Variants in PTOV1 observed in about 807,000 individuals in gnomAD.
PTOV1 encodes prostate tumor-overexpressed gene 1 protein.
In PTOV1, 20 loss-of-function variants were observed where a neutral mutation model predicts 58.0. That is an observed-to-expected ratio of 0.34 (90% confidence interval 0.24 to 0.50). The LOEUF (loss-of-function observed/expected upper bound fraction) is 0.50. Ranked by LOEUF, PTOV1 falls within the 20% of genes least tolerant of loss-of-function variation. PTOV1 has a pLI of 0.98. For synonymous variants in PTOV1, 335 were observed against 234.2 expected, an observed-to-expected ratio of 1.43 and a Z score of -3.93; for missense variants, 593 against 565.4, an observed-to-expected ratio of 1.05 and a Z score of -0.50.
chr19:49,855,617 C>G (rs959955565), intron 5 of PTOV1: 4 of 166,978 alleles, frequency 2.4e-5, no homozygotes, highest in Admixed American at 5.6e-5. Context: ...TGTGCAGGGA[C>G]TGAGTGGGGC....
At chr19:49,856,918 TG>T in intron 5 of PTOV1, 56 bp from the exon 6 acceptor site, 1 of 1,599,484 alleles carries the variant, frequency 6.3e-7, no homozygotes, top group Non-Finnish European at 8.5e-7. Context: ...TCCAGGGTGG[TG>T]GGGGCACAGT....
intron 6 of PTOV1, 95 bp from the exon 7 acceptor site, chr19:49,857,598 C>A: frequency 8.3e-7 from 1 of 1,206,874 alleles, no homozygotes; most frequent in Non-Finnish European, 1.2e-6. Context: ...GGCTAACAGG[C>A]CAAGGCTCGG....
chr19:49,858,970 C>T (rs1330957037), intron 10 of PTOV1: 1 of 257,802 alleles, frequency 3.9e-6, no homozygotes, highest in Non-Finnish European at 7.5e-6. Context: ...TGTGCCACAT[C>T]CCAAAGGCCC....
intron 1 of PTOV1, among the ~76,000 whole-genome samples, chr19:49,853,713 A>C (rs1446306640): frequency 6.6e-6 from 1 of 152,124 alleles, no homozygotes; most frequent in Non-Finnish European, 1.5e-5. Context: ...TTGGTGTTCT[A>C]CATGTTTTGG....
intron 4 of PTOV1, 25 bp downstream of exon 4, chr19:49,854,913 T>TCCCCCC (rs1568641067): frequency 1.9e-6 from 3 of 1,571,550 alleles, no homozygotes; most frequent in African/African-American, 1.4e-5. Context: ...TCCCACCCCA[T>TCCCCCC]CCACTCTGAG....
chr19:49,851,379 C>G, exon 1 of PTOV1: 1 of 1,151,532 alleles, frequency 8.7e-7, no homozygotes, highest in Non-Finnish European at 1.1e-6. Context: ...GGGGCCCCCT[C>G]GGGGGTCGCG....
At chr19:49,851,170 C>T in exon 1 of PTOV1, 1 of 1,238,692 alleles carries the variant, frequency 8.1e-7, no homozygotes, top group Non-Finnish European at 1.0e-6. Context: ...GTGGTTCGGC[C>T]GCGGCGACCC....
chr19:49,854,691 C>T (rs760556849), exon 3 of PTOV1: 15 of 1,613,338 alleles, frequency 9.3e-6, no homozygotes, highest in East Asian at 4.5e-5. Context: ...AAAGCTGAAG[C>T]GGACCCTGCC....
chr19:49,855,160 G>T, intron 5 of PTOV1, 83 bp downstream of exon 5: 2 of 1,359,012 alleles, frequency 1.5e-6, no homozygotes, highest in Non-Finnish European at 2.0e-6. Context: ...CCAGGCGGGG[G>T]TCGGGGGGTC....
upstream of PTOV1, chr19:49,851,067 G>GCCCGGGC: frequency 6.8e-7 from 1 of 1,472,898 alleles, no homozygotes; most frequent in African/African-American, 1.4e-5. Context: ...CTCCGCTCCC[G>GCCCGGGC]CCCGGGCCCC....
At chr19:49,860,668 AG>A (rs1162576508) in exon 12 of PTOV1, 3 of 402,732 alleles carry the variant, frequency 7.4e-6, no homozygotes, top group Non-Finnish European at 1.3e-5. Flanking sequence ...AGCAACATGG[AG>A]GATGGTGTCC....
upstream of PTOV1, chr19:49,850,816 C>T (rs1267474562): frequency 2.8e-5 from 43 of 1,522,976 alleles, no homozygotes; most frequent in Admixed American, 9.9e-5. Context: ...CCCATTATTC[C>T]GTCCTCCCCT....
At chr19:49,858,752 TC>T in intron 10 of PTOV1, 99 bp downstream of exon 10, 1 of 1,028,488 alleles carries the variant, frequency 9.7e-7, no homozygotes, top group African/African-American at 1.6e-5. Flanking sequence ...GAGCACCATG[TC>T]CCAGACCAGC....
chr19:49,850,914 G>T (rs1272144656), upstream of PTOV1: 26 of 1,535,782 alleles, frequency 1.7e-5, no homozygotes, highest in Non-Finnish European at 1.7e-5. Flanking sequence ...CCCCGCAAGG[G>T]GCCAGCTTGG....
upstream of PTOV1, chr19:49,850,886 G>T: frequency 6.5e-7 from 1 of 1,535,784 alleles, no homozygotes. Flanking sequence ...TCCGGATGAG[G>T]TCTCCCGCCG....
At chr19:49,858,484 G>A (rs1349786006) in intron 9 of PTOV1, 65 bp from the exon 10 acceptor site, 16 of 1,356,366 alleles carry the variant, frequency 1.2e-5, no homozygotes, top group South Asian at 6.2e-5. Context: ...GGGACTCAGC[G>A]GGCTGGGAGC....
chr19:49,854,986 T>G, exon 5 of PTOV1: 1 of 1,451,142 alleles, frequency 6.9e-7, no homozygotes. Context: ...CTGGGCCCCC[T>G]GTTCCGGAAC....
Position 49,851,444 on chromosome 19 carries a change from C to G in PTOV1, c.116C>G (p.Ala39Gly), listed in dbSNP as rs542896699. Reference sequence around the variant, plus strand: ...GCCGTCCGCTCGCGCTCCTGGCCTGCCAGCCCCCGAGGCCCGCAGCCTCCG... The same window carrying G: ...GCCGTCCGCTCGCGCTCCTGGCCTGGCAGCCCCCGAGGCCCGCAGCCTCCG... The change falls in exon 1 of 12, where the codon GCC becomes GGC. Residue 39 changes from alanine to glycine, a missense_variant. Transcript: ENST00000391842. 1,645 of 1,220,128 alleles carry G rather than the reference C, an allele frequency of 1.3e-3. 15 individuals are homozygous for G. In the African/African-American group the frequency reaches 0.022, roughly 16 times the overall value. The allele number at this position is 1,220,128 out of a possible 1,614,324, so 75.6% of individuals were successfully genotyped here. A position where few individuals can be genotyped will look rare whatever the true frequency, so the allele number is the denominator to read the frequency against.
intron 6 of PTOV1, chr19:49,857,347 G>T: frequency 1.5e-6 from 1 of 676,020 alleles, no homozygotes; most frequent in Non-Finnish European, 2.5e-6. Context: ...GTCTTGGCGC[G>T]GCGGCAGGGA....
Sources: gnomAD v4.1 joint callset for allele counts (sites outside exome capture counted in the v4.1 genomes callset) on GRCh38, gnomAD v4.1.1 for gene constraint, MANE v1.5 for transcripts, NCBI Gene and HGNC (gene_info 2026-07-23, HGNC 2026-07-21) for gene names.